LRRC8D: variants seen among roughly 807,000 people sequenced by gnomAD.
LRRC8D encodes leucine rich repeat containing 8 VRAC subunit D.
LRRC8D carries 20 observed loss-of-function variants against 55.8 expected under a neutral mutation model. The observed-to-expected ratio is 0.36, with a 90% confidence interval of 0.25 to 0.52. The LOEUF (loss-of-function observed/expected upper bound fraction) is 0.52. Among genes scored for constraint, LRRC8D ranks in the 20% least tolerant of loss-of-function variants. The pLI, the probability that LRRC8D is intolerant of heterozygous loss-of-function variation, is 0.93. For missense variants in LRRC8D, 651 were observed against 1,030.8 expected (o/e 0.63, Z 5.05); for synonymous variants, 352 against 377.0 (o/e 0.93, Z 0.77).
intron 2 of LRRC8D, among the ~76,000 whole-genome samples, chr1:89,903,902 C>T (rs1662924798): frequency 6.6e-6 from 1 of 152,154 alleles, no homozygotes; most frequent in African/African-American, 2.4e-5. Flanking sequence ...CCTCTTAATA[C>T]CTCTGGTATC....
At chr1:89,901,308 A>G (rs1340833745) in intron 2 of LRRC8D, among the ~76,000 whole-genome samples, 3 of 152,222 alleles carry the variant, frequency 2.0e-5, no homozygotes, top group African/African-American at 4.8e-5. Context: ...GCCAGATTTC[A>G]GGTCCATCTC....
At chr1:89,895,816 A>C (rs985113852) in intron 2 of LRRC8D, among the ~76,000 whole-genome samples, 1 of 152,174 alleles carries the variant, frequency 6.6e-6, no homozygotes, top group South Asian at 2.1e-4. Flanking sequence ...GTTTACATCT[A>C]TGTATAATTT....
At chr1:89,829,994 G>A (rs1259607900) in intron 1 of LRRC8D, among the ~76,000 whole-genome samples, 1 of 152,142 alleles carries the variant, frequency 6.6e-6, no homozygotes, top group Non-Finnish European at 1.5e-5. Context: ...AAGGTGTTAT[G>A]TCTTAGCTGA....
chr1:89,865,235 C>T (rs779646053), intron 2 of LRRC8D, among the ~76,000 whole-genome samples: 3 of 151,440 alleles, frequency 2.0e-5, no homozygotes, highest in South Asian at 4.2e-4. Flanking sequence ...TAGCACACAA[C>T]CTGTGAATGA....
intron 2 of LRRC8D, among the ~76,000 whole-genome samples, chr1:89,870,065 A>C (rs1358722922): frequency 6.6e-6 from 1 of 151,460 alleles, no homozygotes; most frequent in Non-Finnish European, 1.5e-5. Flanking sequence ...CAAAGATTGC[A>C]CCACTGCACT....
chr1:89,849,652 T>A lies in LRRC8D; in HGVS notation c.-3+5870T>A, dbSNP rs370241451. Among the ~76,000 whole-genome samples the A allele has an allele frequency of 1.4e-4, 21 of 152,306 alleles. No homozygotes were observed. In the East Asian group the frequency reaches 4.0e-3, roughly 29 times the overall value. On this transcript the variant is annotated intron_variant, in intron 2 of 2. Transcript: ENST00000337338. ...ATGTCTTCATTTACTTAATTTAATT[T>A]CCCTTTTCCATGAATTGTCTTTTTA... is the stretch of plus-strand genomic sequence containing the variant.
chr1:89,922,225 G>A (rs960660102), intron 2 of LRRC8D, among the ~76,000 whole-genome samples: 1 of 151,796 alleles, frequency 6.6e-6, no homozygotes, highest in African/African-American at 2.4e-5. Context: ...CACCACACCT[G>A]GCTAATTTTT....
chr1:89,870,958 A>C (rs972168818), intron 2 of LRRC8D, among the ~76,000 whole-genome samples: 1 of 152,206 alleles, frequency 6.6e-6, no homozygotes, highest in African/African-American at 2.4e-5. Flanking sequence ...CCTTCTACCT[A>C]GACATAGAAT....
At chr1:89,838,217 A>G (rs10922732) in intron 1 of LRRC8D, among the ~76,000 whole-genome samples, 5,478 of 149,082 alleles carry the variant, frequency 0.037, 337 homozygotes, top group African/African-American at 0.13. Context: ...AAAAGGGGGG[A>G]AAAAAGAAAA....
chr1:89,826,789 G>T (rs1306672018), intron 1 of LRRC8D, among the ~76,000 whole-genome samples: 1 of 152,200 alleles, frequency 6.6e-6, no homozygotes, highest in Non-Finnish European at 1.5e-5. Context: ...TAGGTTTGCA[G>T]ATGACAGCTT....
At chr1:89,860,920 C>T (rs1436379072) in intron 2 of LRRC8D, among the ~76,000 whole-genome samples, 1 of 151,028 alleles carries the variant, frequency 6.6e-6, no homozygotes, top group African/African-American at 2.4e-5. Flanking sequence ...TAGGAAACCT[C>T]ATTTGCTGCA....
rs1553122458 is a variant in LRRC8D at position 89,841,405 on chromosome 1, C to CCT, written c.-147-2233_-147-2232insCT. Among the ~76,000 whole-genome samples, 645 of 149,690 alleles carry CCT rather than the reference C, an allele frequency of 4.3e-3. 3 individuals are homozygous for CCT. Among genetic ancestry groups the CCT allele is most frequent in the Non-Finnish European group, 7.5e-3 (503 of 67,148 alleles). On this transcript the variant is annotated intron_variant, in intron 1 of 2. Transcript: ENST00000337338. The stretch of plus-strand genomic sequence containing the variant: ...CAGTATTGTCAAGACCACCCCCCCC[C>CCT]TTTTTTTTGTGAGTGCACAAGACTC...
intron 2 of LRRC8D, among the ~76,000 whole-genome samples, chr1:89,927,800 T>G (rs1663604866): frequency 1.3e-5 from 2 of 152,240 alleles, no homozygotes; most frequent in South Asian, 4.1e-4. Flanking sequence ...AAGCTTAAAC[T>G]AAACTTTTGT....
chr1:89,824,845 C>G (rs1383169966), intron 1 of LRRC8D, among the ~76,000 whole-genome samples: 1 of 152,170 alleles, frequency 6.6e-6, no homozygotes, highest in Non-Finnish European at 1.5e-5. Context: ...AGTAAGACAG[C>G]TGTTTGCTGA....
At chr1:89,905,651 C>T (rs1211494888) in intron 2 of LRRC8D, among the ~76,000 whole-genome samples, 1 of 152,144 alleles carries the variant, frequency 6.6e-6, no homozygotes, top group Non-Finnish European at 1.5e-5. Context: ...GCCAAGTAGG[C>T]CTCCAGAAAT....
intron 2 of LRRC8D, among the ~76,000 whole-genome samples, chr1:89,858,064 A>G (rs945295406): frequency 6.6e-6 from 1 of 152,186 alleles, no homozygotes; most frequent in Non-Finnish European, 1.5e-5. Flanking sequence ...CCCCGTCTCT[A>G]CTAAAAATAC....
Position 89,895,618 on chromosome 1 carries a change from C to A in LRRC8D, c.-2-37449C>A, listed in dbSNP as rs145345496. The stretch of plus-strand genomic sequence containing the variant: ...CATGTACTTTTAAAAATTAAAATAT[C>A]TTCAAGTTTCTATTCATATATAATA... On this transcript the variant is annotated intron_variant, in intron 2 of 2. Transcript: ENST00000337338. Among the ~76,000 whole-genome samples the A allele has an allele frequency of 5.0e-3, 765 of 152,176 alleles. 5 individuals carry two copies. Among genetic ancestry groups the A allele is most frequent in the African/African-American group, 0.018 (742 of 41,520 alleles).
At chr1:89,844,670 C>T (rs1392124437) in intron 2 of LRRC8D, among the ~76,000 whole-genome samples, 1 of 152,162 alleles carries the variant, frequency 6.6e-6, no homozygotes, top group South Asian at 2.1e-4. Flanking sequence ...GAATAAAACA[C>T]TAGGGTTGGT....
At position 89,935,067 on chromosome 1, in the gene LRRC8D, T is replaced by G; in HGVS notation, c.1999T>G (p.Ser667Ala). ...TAATTTACAGGAACTGGATTTAAAGTCCAATAACATTCGCACAATTGAGGA... is the reference window on the plus strand; with the variant it reads ...TAATTTACAGGAACTGGATTTAAAGGCCAATAACATTCGCACAATTGAGGA... ...LSNLQELDLK[S>A]NNIRTIEEII... The change falls in exon 3 of 3, where the codon TCC becomes GCC. Residue 667 changes from serine (S) to alanine (A), a missense_variant. Ser to Ala is a moderately conservative substitution (Grantham distance 99). Coordinates refer to ENST00000337338, the MANE Select transcript of LRRC8D (RefSeq NM_001134479.2). 1 of 1,614,158 alleles carries G rather than the reference T, an allele frequency of 6.2e-7. No individual in the cohort carries two copies.
Sources: allele counts gnomAD v4.1 joint callset (sites outside exome capture counted in the v4.1 genomes callset), GRCh38; gene constraint gnomAD v4.1.1; transcripts MANE v1.5; gene names NCBI Gene and HGNC (gene_info 2026-07-23, HGNC 2026-07-21).